UGGT1: variants seen among roughly 807,000 people sequenced by gnomAD.
UGGT1 encodes the protein UDP-glucose:glycoprotein glucosyltransferase 1.
UGGT1 carries 107 observed loss-of-function variants against 203.9 expected under a neutral mutation model. The observed-to-expected ratio is 0.52, with a 90% CI of 0.45 to 0.62. The LOEUF (loss-of-function observed/expected upper bound fraction) is 0.62. Ranked by LOEUF, UGGT1 falls within the 20% of genes least tolerant of loss-of-function variation. UGGT1 has a pLI of 0.00. For missense variants in UGGT1, 1,673 were observed against 1,867.2 expected, an observed-to-expected ratio of 0.90 and a Z score of 1.92; for synonymous variants, 628 against 653.5, an observed-to-expected ratio of 0.96 and a Z score of 0.59.
chr2:128,116,668 G>A (rs1688116635), intron 8 of UGGT1, among the ~76,000 whole-genome samples: 1 of 152,070 alleles, frequency 6.6e-6, no homozygotes, highest in Middle Eastern at 3.2e-3. Context: ...GGGATTACAG[G>A]CATGCACCAC....
At chr2:128,115,551 A>G (rs1688063957) in intron 7 of UGGT1, among the ~76,000 whole-genome samples, 1 of 151,792 alleles carries the variant, frequency 6.6e-6, no homozygotes, top group Non-Finnish European at 1.5e-5. Flanking sequence ...TTGCCCAAAA[A>G]CGTTCAGCAA....
chr2:128,117,050 C>T (rs540810405), intron 8 of UGGT1, among the ~76,000 whole-genome samples: 23 of 152,156 alleles, frequency 1.5e-4, no homozygotes, highest in African/African-American at 5.1e-4. Flanking sequence ...AAATTTTATA[C>T]ATGCTCAATG....
At chr2:128,116,565 C>T (rs979036313) in intron 8 of UGGT1, among the ~76,000 whole-genome samples, 6 of 151,820 alleles carry the variant, frequency 4.0e-5, no homozygotes, top group South Asian at 4.2e-4. Context: ...CTCGCTGTGT[C>T]GCCCAGGTTG....
In UGGT1 at chr2:128,163,491, G is replaced by A. The variant is rs549755983; in HGVS notation, c.2826-1239G>A. Among the ~76,000 whole-genome samples the A allele has an allele frequency of 6.6e-5, 10 of 150,494 alleles. No homozygotes were observed. The South Asian group carries it at 1.5e-3, about 22-fold the overall frequency. On this transcript the variant is annotated intron_variant, in intron 25 of 40. Transcript: ENST00000259253. ...AGCACTTGGGAAGGCCGAGGCGGGC[G>A]GATCATGAGGTCAGGAGATCGAGAC...
At chr2:128,187,638 G>C (rs1009492038) in intron 40 of UGGT1, 24 bp downstream of exon 40, 1 of 1,584,334 alleles carries the variant, frequency 6.3e-7, no homozygotes. Flanking sequence ...GTTGGTTTTA[G>C]GACAGTACTT....
At chr2:128,098,923 A>G (rs988831045) in intron 2 of UGGT1, among the ~76,000 whole-genome samples, 1 of 152,166 alleles carries the variant, frequency 6.6e-6, no homozygotes, top group Non-Finnish European at 1.5e-5. Flanking sequence ...ACCTGTCTGT[A>G]TAGGTAGGGC....
rs2104827894 is a variant in UGGT1, at chr2:128,183,754, A to G, written c.4324A>G (p.Ser1442Gly). 1.2e-6 allele frequency: 2 copies of G among 1,614,112 alleles called. No homozygotes were observed. Among genetic ancestry groups the G allele is most frequent in the South Asian group, 1.1e-5 (1 of 91,082 alleles). The change falls in exon 38 of 41, where the codon AGT (serine) becomes GGT (glycine). Residue 1442 changes from serine (S) to glycine (G), a missense_variant. Physicochemically the swap from Ser to Gly is moderately conservative, Grantham distance 56. This residue lies in a region of UGGT1 where 513 missense variants were observed against 684.1 expected (regional missense o/e 0.75). Coordinates refer to ENST00000259253, the MANE Select transcript of UGGT1 (RefSeq NM_020120.4). ...DRLRGQYQGLSQDPNSLSNLD... is the reference protein window; with the variant it reads ...DRLRGQYQGLGQDPNSLSNLD... ...ACTCAGGGGACAGTACCAAGGTCTGAGTCAGGACCCTAACAGCCTTTCAAA... is the reference window on the plus strand; with the variant it reads ...ACTCAGGGGACAGTACCAAGGTCTGGGTCAGGACCCTAACAGCCTTTCAAA...
intron 26 of UGGT1, among the ~76,000 whole-genome samples, chr2:128,167,975 G>A (rs2104769289): frequency 6.6e-6 from 1 of 152,242 alleles, no homozygotes; most frequent in African/African-American, 2.4e-5. Context: ...ACACTCTTGT[G>A]TAGAGTCCTT....
intron 1 of UGGT1, among the ~76,000 whole-genome samples, chr2:128,093,518 G>T (rs945409494): frequency 2.6e-5 from 4 of 152,156 alleles, no homozygotes; most frequent in Non-Finnish European, 5.9e-5. Context: ...GATTGCTTCG[G>T]TCCCAGCTTC....
intron 12 of UGGT1, among the ~76,000 whole-genome samples, chr2:128,127,888 A>G (rs1688675694): frequency 6.6e-6 from 1 of 152,198 alleles, no homozygotes; most frequent in Admixed American, 6.5e-5. Context: ...AGCCTGGCCA[A>G]CATGGTGAAA....
chr2:128,127,763 A>G (rs1688671365), intron 12 of UGGT1, among the ~76,000 whole-genome samples: 1 of 152,218 alleles, frequency 6.6e-6, no homozygotes, highest in South Asian at 2.1e-4. Flanking sequence ...AACAGTGTGA[A>G]GTAGATTTAT....
At chr2:128,146,318 AAAAC>A (rs771435779) in intron 18 of UGGT1, among the ~76,000 whole-genome samples, 16 of 152,118 alleles carry the variant, frequency 1.1e-4, no homozygotes, top group Non-Finnish European at 1.9e-4. Flanking sequence ...CCCGTTAAAA[AAAAC>A]AAAACAAAAC....
rs555633154 is a variant in UGGT1, at chr2:128,118,914, C to T, written c.873-1442C>T. On this transcript the variant is annotated intron_variant, in intron 8 of 40. Coordinates refer to ENST00000259253, the MANE Select transcript of UGGT1 (RefSeq NM_020120.4). ...TGAACTCCTGGGCTCAAGGGATCTG[C>T]CCACCTTGGCCTCCCAAAGTGCTAG... is the stretch of plus-strand genomic sequence containing the variant. Among the ~76,000 whole-genome samples, 7 of 152,170 alleles carry T rather than the reference C, an allele frequency of 4.6e-5. No individual in the cohort carries two copies. The South Asian group carries it at 1.0e-3, about 23-fold the overall frequency.
intron 3 of UGGT1, among the ~76,000 whole-genome samples, 195 bp downstream of exon 3, chr2:128,104,209 A>C (rs941732815): frequency 6.6e-6 from 1 of 152,262 alleles, no homozygotes; most frequent in Non-Finnish European, 1.5e-5. Context: ...ACCTTTGGCT[A>C]TAAGTGGTAC....
intron 2 of UGGT1, among the ~76,000 whole-genome samples, chr2:128,101,484 G>T (rs1399859248): frequency 6.6e-6 from 1 of 152,146 alleles, no homozygotes; most frequent in South Asian, 2.1e-4. Flanking sequence ...GTTTTCTGCA[G>T]CTGTAGCTAC....
chr2:128,091,395 CG>C lies in UGGT1; in HGVS notation c.41del (p.Gly14ValfsTer5), dbSNP rs1686852601. Reference protein sequence around the residue: ...CKGDASGACAAGALPVTGVCY... With the variant: ...CKGDASGACAXGALPVTGVCY... Reference sequence around the variant, plus strand: ...GGAGACGCGAGCGGTGCGTGTGCCGCGGGTGCGCTGCCGGTGACAGGTACCC... The same window carrying C: ...GGAGACGCGAGCGGTGCGTGTGCCGCGGTGCGCTGCCGGTGACAGGTACCC... On this transcript the variant is annotated frameshift_variant, in exon 1 of 41. Coordinates refer to ENST00000259253, the MANE Select transcript of UGGT1 (RefSeq NM_020120.4). LOFTEE classifies it high-confidence loss of function. 3.2e-6 allele frequency: 5 copies of C among 1,578,900 alleles called. No homozygotes were observed. The East Asian group carries it at 1.2e-4, about 37-fold the overall frequency.
At chr2:128,176,482 A>C (rs1053543758) in intron 31 of UGGT1, among the ~76,000 whole-genome samples, 6 of 151,158 alleles carry the variant, frequency 4.0e-5, no homozygotes, top group Admixed American at 6.6e-5. Flanking sequence ...TGTTCCCTGC[A>C]TTCCTTTATC....
At chr2:128,180,661 T>C (rs1427212988) in intron 35 of UGGT1, among the ~76,000 whole-genome samples, 1 of 152,232 alleles carries the variant, frequency 6.6e-6, no homozygotes, top group Non-Finnish European at 1.5e-5. Context: ...CTCTTGAACA[T>C]TCTGTCATTT....
chr2:128,138,711 C>T lies in UGGT1; in HGVS notation c.1584-6C>T. 6.2e-7 allele frequency: 1 copy of T among 1,607,588 alleles called. No individual in the cohort carries two copies. Among genetic ancestry groups the T allele is most frequent in the South Asian group, 1.1e-5 (1 of 88,838 alleles). ...GTTTCTTTTTTTCTTTTCCCTTTCC[C>T]TCCAGAATTGGTTTTATCTTTGTGG... On this transcript the variant is annotated splice_region_variant and splice_polypyrimidine_tract_variant and intron_variant, in intron 15 of 40. Coordinates refer to ENST00000259253, the MANE Select transcript of UGGT1 (RefSeq NM_020120.4).
Sources: allele counts gnomAD v4.1 joint callset (sites outside exome capture counted in the v4.1 genomes callset), GRCh38; gene constraint gnomAD v4.1.1; regional missense constraint gnomAD v4.1.1; transcripts MANE v1.5; gene names NCBI Gene and HGNC (gene_info 2026-07-23, HGNC 2026-07-21).